The following FRMD4A variants were observed in gnomAD, a reference collection of about 807,000 sequenced individuals.
FRMD4A encodes FERM domain-containing protein 4A.
Under a neutral mutation model 129.1 loss-of-function variants are expected in FRMD4A, and 29 were observed. The ratio of observed to expected loss-of-function variants is 0.22; its 90% CI spans 0.17 to 0.31. The LOEUF is 0.31. Ranked by LOEUF, FRMD4A falls within the 10% of genes least tolerant of loss-of-function variation. The pLI, the probability that FRMD4A is intolerant of heterozygous loss-of-function variation, is 1.00. For missense variants in FRMD4A, 1,272 were observed against 1,375.8 expected (o/e 0.92, Z 1.19); for synonymous variants, 634 against 571.6 (o/e 1.11, Z -1.56).
intron 2 of FRMD4A, among the ~76,000 whole-genome samples, chr10:13,982,217 C>T (rs769341721): frequency 3.3e-5 from 5 of 152,078 alleles, no homozygotes; most frequent in Non-Finnish European, 7.4e-5. Context: ...GGCATAGTGG[C>T]TCATGCCTGT....
chr10:14,154,909 T>C (rs1370766128), intron 2 of FRMD4A, among the ~76,000 whole-genome samples: 2 of 152,210 alleles, frequency 1.3e-5, no homozygotes, highest in Non-Finnish European at 2.9e-5. Context: ...CTGAAAGAAA[T>C]ATGGCAGGCA....
chr10:13,891,730 A>G, intron 2 of FRMD4A: 1 of 984,404 alleles, frequency 1.0e-6, no homozygotes. Context: ...TTGGCCTACT[A>G]GGCGGCCTTG....
At chr10:13,662,816 T>G (rs1459005580) in intron 19 of FRMD4A, among the ~76,000 whole-genome samples, 1 of 152,218 alleles carries the variant, frequency 6.6e-6, no homozygotes, top group Non-Finnish European at 1.5e-5. Context: ...GTTTCAATCT[T>G]TGATTTGTGA....
intron 2 of FRMD4A, among the ~76,000 whole-genome samples, chr10:13,872,278 C>T (rs2094446756): frequency 1.3e-5 from 2 of 152,204 alleles, no homozygotes. Context: ...ATTGGGATGG[C>T]TGTCTTCAGG....
chr10:14,303,051 T>C (rs1404024997), intron 2 of FRMD4A, among the ~76,000 whole-genome samples: 1 of 152,182 alleles, frequency 6.6e-6, no homozygotes, highest in Non-Finnish European at 1.5e-5. Context: ...ATGCCAAAAC[T>C]TGCCCTATAG....
At chr10:13,762,400 G>A (rs542167347) in intron 7 of FRMD4A, among the ~76,000 whole-genome samples, 2 of 152,170 alleles carry the variant, frequency 1.3e-5, no homozygotes, top group South Asian at 2.1e-4. Context: ...ACACAACTTC[G>A]CTTTACAGGG....
At chr10:14,075,255 T>A (rs1397971325) in intron 2 of FRMD4A, among the ~76,000 whole-genome samples, 1 of 152,260 alleles carries the variant, frequency 6.6e-6, no homozygotes, top group Non-Finnish European at 1.5e-5. Flanking sequence ...GCTGCTCATC[T>A]GATTATTTTA....
At chr10:14,160,117 T>C (rs1228103760) in intron 2 of FRMD4A, among the ~76,000 whole-genome samples, 1 of 152,132 alleles carries the variant, frequency 6.6e-6, no homozygotes. Context: ...AACAGACACA[T>C]ATATCAATGG....
intron 15 of FRMD4A, chr10:13,685,740 T>TTC (rs767403330): frequency 3.7e-5 from 19 of 518,932 alleles, no homozygotes; most frequent in Non-Finnish European, 4.2e-5. Context: ...CCCAGGAGTT[T>TTC]GAGGCTGGAG....
intron 2 of FRMD4A, among the ~76,000 whole-genome samples, chr10:14,291,241 T>C (rs12360009): frequency 0.32 from 48,764 of 152,040 alleles, 8,156 homozygotes; most frequent in Middle Eastern, 0.37. Flanking sequence ...CATCTAAAAT[T>C]TGTAATGACT....
At chr10:14,157,759 C>T (rs1001974361) in intron 2 of FRMD4A, among the ~76,000 whole-genome samples, 7 of 152,200 alleles carry the variant, frequency 4.6e-5, no homozygotes, top group Non-Finnish European at 7.3e-5. Context: ...TTTGACTCTG[C>T]ATCTGGCCAA....
rs536756321 is a variant in FRMD4A at position 14,230,909 on chromosome 10, T to G, written c.45+99149A>C. Among the ~76,000 whole-genome samples the G allele has an allele frequency of 2.0e-5, 3 of 152,360 alleles. No individual in the cohort carries two copies. In the East Asian group the frequency reaches 5.8e-4, roughly 29 times the overall value. The stretch of plus-strand genomic sequence containing the variant: ...TTTGATTTTTCTGTTTCTGTTTTAG[T>G]TCACTTAGGATAATGGCCTCCAGCT... On this transcript the variant is annotated intron_variant, in intron 2 of 24. Transcript: ENST00000357447.
At chr10:13,891,558 C>T (rs1057063999) in intron 2 of FRMD4A, 213 of 973,712 alleles carry the variant, frequency 2.2e-4, no homozygotes, top group Non-Finnish European at 2.5e-4. Flanking sequence ...CGTGAAAACA[C>T]GGAAGGCGAA....
intron 6 of FRMD4A, among the ~76,000 whole-genome samples, chr10:13,771,603 T>C (rs940133449): frequency 1.3e-5 from 2 of 152,310 alleles, no homozygotes; most frequent in East Asian, 1.9e-4. Context: ...TGATAGGCCA[T>C]GGAAGATGAG....
intron 2 of FRMD4A, among the ~76,000 whole-genome samples, chr10:14,016,313 T>G (rs1487041832): frequency 6.6e-6 from 1 of 152,266 alleles, no homozygotes; most frequent in Non-Finnish European, 1.5e-5. Flanking sequence ...TCATAGAGAA[T>G]GTCAAGTCTG....
intron 9 of FRMD4A, among the ~76,000 whole-genome samples, chr10:13,741,531 C>T (rs896868507): frequency 6.6e-6 from 1 of 152,122 alleles, no homozygotes; most frequent in African/African-American, 2.4e-5. Flanking sequence ...ACCGTGGGAA[C>T]AAGAGGAAGC....
chr10:14,065,497 T>C (rs1447116228), intron 2 of FRMD4A, among the ~76,000 whole-genome samples: 2 of 152,118 alleles, frequency 1.3e-5, no homozygotes, highest in African/African-American at 4.8e-5. Context: ...CAGTGGAACT[T>C]TGTCTTTCCA....
chr10:13,747,586 A>G (rs1306571064), intron 9 of FRMD4A, 150 bp downstream of exon 9: 5 of 393,500 alleles, frequency 1.3e-5, no homozygotes, highest in African/African-American at 1.0e-4. Flanking sequence ...AAATGCAGAA[A>G]ATGGTTTCAG....
intron 2 of FRMD4A, among the ~76,000 whole-genome samples, chr10:14,204,487 A>G (rs59400935): frequency 0.12 from 17,606 of 152,148 alleles, 1,539 homozygotes; most frequent in African/African-American, 0.24. Flanking sequence ...GGTTTTACCT[A>G]AGAGTGAAAA....
Sources: gnomAD v4.1 joint callset for allele counts (sites outside exome capture counted in the v4.1 genomes callset) on GRCh38, gnomAD v4.1.1 for gene constraint, MANE v1.5 for transcripts, NCBI Gene and HGNC (gene_info 2026-07-23, HGNC 2026-07-21) for gene names.